The following PAM variants were observed in gnomAD, a reference collection of about 807,000 sequenced individuals.
The protein encoded by PAM is peptidylglycine alpha-amidating monooxygenase, also known as peptidyl-glycine alpha-amidating monooxygenase.
A neutral mutation model predicts 122.1 loss-of-function variants in PAM; 72 were observed. The ratio of observed to expected loss-of-function variants is 0.59; its 90% CI spans 0.49 to 0.72. The LOEUF is 0.72. Among genes scored for constraint, PAM ranks in the 30% least tolerant of loss-of-function variants. PAM has a pLI of 0.00. For synonymous variants in PAM, 389 were observed against 404.4 expected, an observed-to-expected ratio of 0.96 and a Z score of 0.46; for missense variants, 1,106 against 1,183.7, an observed-to-expected ratio of 0.93 and a Z score of 0.96.
intron 24 of PAM, among the ~76,000 whole-genome samples, chr5:103,025,642 G>A (rs1001203270): frequency 1.3e-5 from 2 of 152,138 alleles, no homozygotes; most frequent in African/African-American, 2.4e-5. Flanking sequence ...AGTAGAGTCA[G>A]TATAAATTAG....
At chr5:102,897,719 G>C (rs1168514558) in intron 3 of PAM, among the ~76,000 whole-genome samples, 1 of 151,540 alleles carries the variant, frequency 6.6e-6, no homozygotes, top group African/African-American at 2.4e-5. Flanking sequence ...TCATCACATT[G>C]AATAGTCTTT....
intron 3 of PAM, among the ~76,000 whole-genome samples, chr5:102,878,192 C>T (rs1162497862): frequency 6.6e-6 from 1 of 151,846 alleles, no homozygotes; most frequent in Non-Finnish European, 1.5e-5. Context: ...ATATTTCAGT[C>T]AATAGAATAA....
At chr5:102,964,902 A>T (rs1042991253) in intron 14 of PAM, among the ~76,000 whole-genome samples, 1 of 151,844 alleles carries the variant, frequency 6.6e-6, no homozygotes, top group African/African-American at 2.4e-5. Flanking sequence ...ATTTGAAAAT[A>T]ACCCATTTGC....
At chr5:102,905,766 T>C (rs1799348236) in intron 4 of PAM, among the ~76,000 whole-genome samples, 1 of 151,674 alleles carries the variant, frequency 6.6e-6, no homozygotes, top group African/African-American at 2.4e-5. Flanking sequence ...ACCTTTCTGC[T>C]TCCAATGAGT....
intron 5 of PAM, among the ~76,000 whole-genome samples, chr5:102,922,517 C>A (rs1325315579): frequency 6.6e-6 from 1 of 152,158 alleles, no homozygotes; most frequent in African/African-American, 2.4e-5. Flanking sequence ...TGTTATGCTA[C>A]AAGGTTTGGA....
chr5:102,904,300 T>A (rs1270265547), intron 4 of PAM, among the ~76,000 whole-genome samples: 5 of 151,592 alleles, frequency 3.3e-5, no homozygotes, highest in Non-Finnish European at 7.4e-5. Flanking sequence ...AGTCATTCTG[T>A]TTGTTTATTC....
intron 24 of PAM, 57 bp from the exon 25 acceptor site, chr5:103,028,128 A>G (rs1158506820): frequency 3.7e-6 from 5 of 1,336,876 alleles, no homozygotes; most frequent in Non-Finnish European, 3.2e-6. Flanking sequence ...AGTTGAGTGC[A>G]TGGGTTGAGA....
intron 1 of PAM, among the ~76,000 whole-genome samples, chr5:102,823,292 A>C (rs1364274757): frequency 2.0e-5 from 3 of 152,206 alleles, no homozygotes; most frequent in African/African-American, 7.2e-5. Flanking sequence ...CACAATGTTT[A>C]CTTAGCAACA....
At chr5:102,810,175 AGCTC>A (rs759243548) in intron 1 of PAM, among the ~76,000 whole-genome samples, 6 of 152,148 alleles carry the variant, frequency 3.9e-5, no homozygotes, top group Non-Finnish European at 7.4e-5. Flanking sequence ...TTCAATAACT[AGCTC>A]TTTGTAGTAA....
chr5:102,994,232 C>G (rs184415831), intron 16 of PAM, among the ~76,000 whole-genome samples: 2 of 152,254 alleles, frequency 1.3e-5, no homozygotes, highest in Non-Finnish European at 2.9e-5. Context: ...ATGAGACATG[C>G]TTTCCAATTA....
chr5:102,882,088 T>C (rs989044253), intron 3 of PAM, among the ~76,000 whole-genome samples: 39 of 90,984 alleles, frequency 4.3e-4, no homozygotes, highest in Non-Finnish European at 7.1e-4. Context: ...TATATATATA[T>C]ATATATATAT....
intron 12 of PAM, among the ~76,000 whole-genome samples, chr5:102,958,454 A>G (rs1355072616): frequency 1.3e-5 from 2 of 152,204 alleles, no homozygotes; most frequent in East Asian, 1.9e-4. Context: ...TTTTTGCAAC[A>G]GCCATTCCTT....
chr5:102,952,028 G>T (rs1759077628), intron 12 of PAM, among the ~76,000 whole-genome samples: 2 of 151,950 alleles, frequency 1.3e-5, no homozygotes, highest in Admixed American at 1.3e-4. Context: ...TCCATCAGTT[G>T]TTCATTTTAT....
In PAM at chr5:102,946,898, A is replaced by G. The variant is rs201449214; in HGVS notation, c.575+13A>G. 62 of 1,573,596 alleles carry G rather than the reference A, an allele frequency of 3.9e-5. No individual in the cohort carries two copies. In the East Asian group the frequency reaches 8.7e-4, roughly 22 times the overall value. The stretch of plus-strand genomic sequence containing the variant: ...TCACACGTCTGCCGTAAGTACTTCC[A>G]TTTTTCCTAGAGGAGCAGCAACTTT... On this transcript the variant is annotated intron_variant, in intron 8 of 25. Coordinates refer to ENST00000438793, the MANE Select transcript of PAM (RefSeq NM_001177306.2).
chr5:102,889,509 T>A (rs1036932554), intron 3 of PAM, among the ~76,000 whole-genome samples: 1 of 152,012 alleles, frequency 6.6e-6, no homozygotes, highest in East Asian at 2.0e-4. Flanking sequence ...AACCTAGCCG[T>A]CTTTGTCCTT....
intron 1 of PAM, among the ~76,000 whole-genome samples, chr5:102,854,748 A>G (rs1446612376): frequency 6.6e-6 from 1 of 152,216 alleles, no homozygotes; most frequent in Non-Finnish European, 1.5e-5. Context: ...ACAGCAAGAA[A>G]CAGTTTAATA....
chr5:103,014,824 T>C (rs962409305), intron 21 of PAM, among the ~76,000 whole-genome samples: 2 of 152,106 alleles, frequency 1.3e-5, no homozygotes, highest in African/African-American at 4.8e-5. Flanking sequence ...GAGAGAAAAA[T>C]ACACATTGTC....
At chr5:102,928,178 C>G (rs1183886078) in intron 7 of PAM, among the ~76,000 whole-genome samples, 1 of 152,184 alleles carries the variant, frequency 6.6e-6, no homozygotes, top group Non-Finnish European at 1.5e-5. Context: ...TCTCTACCCT[C>G]TATAAAACCC....
intron 1 of PAM, among the ~76,000 whole-genome samples, chr5:102,836,217 A>C (rs1776984722): frequency 6.6e-6 from 1 of 152,182 alleles, no homozygotes; most frequent in African/African-American, 2.4e-5. Flanking sequence ...TATGTTGAAA[A>C]ATCTACTTAT....
Sources: allele counts gnomAD v4.1 joint callset (sites outside exome capture counted in the v4.1 genomes callset), GRCh38; gene constraint gnomAD v4.1.1; transcripts MANE v1.5; gene names NCBI Gene and HGNC (gene_info 2026-07-23, HGNC 2026-07-21).